TAFA4: variants seen among roughly 807,000 people sequenced by gnomAD.
TAFA4 encodes TAFA chemokine like family member 4.
In TAFA4, 20 loss-of-function variants were observed where a neutral mutation model predicts 21.1. The observed-to-expected ratio is 0.95, with a 90% confidence interval of 0.67 to 1.38. The LOEUF (loss-of-function observed/expected upper bound fraction) is 1.38. Among genes scored for constraint, TAFA4 ranks in the 40% most tolerant of loss-of-function variants. The pLI, the probability that TAFA4 is intolerant of heterozygous loss-of-function variation, is 0.00. For synonymous variants in TAFA4, 71 were observed against 67.4 expected (o/e 1.05, Z -0.26); for missense variants, 211 against 180.9 (o/e 1.17, Z -0.95).
chr3:68,772,710 G>A (rs1459631096), intron 3 of TAFA4, among the ~76,000 whole-genome samples: 1 of 152,154 alleles, frequency 6.6e-6, no homozygotes, highest in Non-Finnish European at 1.5e-5. Context: ...GATGGGTAGA[G>A]GGAGGGGAGC....
chr3:68,867,031 A>C (rs2089429075), intron 3 of TAFA4, among the ~76,000 whole-genome samples: 1 of 152,058 alleles, frequency 6.6e-6, no homozygotes, highest in Non-Finnish European at 1.5e-5. Flanking sequence ...TAATAACAGA[A>C]AAATTTCCAA....
Position 68,887,138 on chromosome 3 carries a change from G to A in TAFA4, c.-122-1828C>T, listed in dbSNP as rs369804898. Among the ~76,000 whole-genome samples the A allele has an allele frequency of 1.2e-4, 18 of 152,286 alleles. No homozygotes were observed. In the South Asian group the frequency reaches 2.7e-3, roughly 23 times the overall value. Reference sequence around the variant, plus strand: ...TATCTACTTCCAAAACACAGTGATGGAACAGGCATAAAACAGACATTCCCA... The same window carrying A: ...TATCTACTTCCAAAACACAGTGATGAAACAGGCATAAAACAGACATTCCCA... On this transcript the variant is annotated intron_variant, in intron 1 of 5. Coordinates refer to ENST00000295569, the MANE Select transcript of TAFA4 (RefSeq NM_182522.5).
chr3:68,762,263 A>G (rs1484630673), intron 3 of TAFA4, among the ~76,000 whole-genome samples: 3 of 152,102 alleles, frequency 2.0e-5, no homozygotes, highest in African/African-American at 7.2e-5. Context: ...TGGGTTGGAG[A>G]GAGAGCAGAA....
intron 3 of TAFA4, among the ~76,000 whole-genome samples, chr3:68,766,389 C>T (rs1702855416): frequency 6.6e-6 from 1 of 151,928 alleles, no homozygotes. Flanking sequence ...CACATCAAAT[C>T]CAGGTAATAA....
intron 3 of TAFA4, among the ~76,000 whole-genome samples, chr3:68,865,387 G>C (rs1399541715): frequency 6.6e-6 from 1 of 151,890 alleles, no homozygotes; most frequent in Non-Finnish European, 1.5e-5. Context: ...TCATGGGGAG[G>C]ACCTGATGGA....
At chr3:68,797,796 G>A (rs1331938048) in intron 3 of TAFA4, among the ~76,000 whole-genome samples, 1 of 151,998 alleles carries the variant, frequency 6.6e-6, no homozygotes, top group Non-Finnish European at 1.5e-5. Context: ...TGAGGGTGAC[G>A]AATACCATCA....
intron 1 of TAFA4, among the ~76,000 whole-genome samples, chr3:68,907,502 C>T (rs973494353): frequency 2.6e-5 from 4 of 152,192 alleles, no homozygotes; most frequent in Non-Finnish European, 5.9e-5. Context: ...AACAAGACGA[C>T]ATAGGTCTGA....
chr3:68,835,020 A>T (rs2106884490), intron 3 of TAFA4, among the ~76,000 whole-genome samples: 1 of 152,262 alleles, frequency 6.6e-6, no homozygotes. Flanking sequence ...TGGCCTACAC[A>T]TGCAGGGGTG....
chr3:68,833,141 C>T (rs1178285784), intron 3 of TAFA4, among the ~76,000 whole-genome samples: 1 of 152,136 alleles, frequency 6.6e-6, no homozygotes, highest in East Asian at 1.9e-4. Flanking sequence ...AAGGGAAATC[C>T]CCCAACCCTT....
At chr3:68,815,159 T>C (rs947222235) in intron 3 of TAFA4, among the ~76,000 whole-genome samples, 5 of 152,182 alleles carry the variant, frequency 3.3e-5, no homozygotes, top group Non-Finnish European at 7.3e-5. Flanking sequence ...ATATAAAAAT[T>C]AATTCAGGAT....
intron 3 of TAFA4, among the ~76,000 whole-genome samples, chr3:68,868,574 A>C (rs1172879791): frequency 3.9e-5 from 6 of 152,074 alleles, no homozygotes; most frequent in Admixed American, 1.3e-4. Flanking sequence ...CATTGGAATA[A>C]ACGTAGAAAT....
intron 3 of TAFA4, among the ~76,000 whole-genome samples, chr3:68,869,455 C>T (rs1302676241): frequency 6.6e-6 from 1 of 151,996 alleles, no homozygotes; most frequent in East Asian, 1.9e-4. Flanking sequence ...ATGTAAACGT[C>T]CTCAACAAAA....
intron 3 of TAFA4, among the ~76,000 whole-genome samples, chr3:68,803,716 A>G: frequency 6.8e-6 from 1 of 146,982 alleles, no homozygotes; most frequent in Non-Finnish European, 1.5e-5. Context: ...GATGTGACTC[A>G]TTGTCTTCCT....
intron 3 of TAFA4, among the ~76,000 whole-genome samples, chr3:68,795,940 C>T (rs6804313): frequency 3.3e-5 from 5 of 152,136 alleles, no homozygotes; most frequent in East Asian, 3.9e-4. Flanking sequence ...CCAGTAACAC[C>T]GTGATTCTTG....
intron 3 of TAFA4, among the ~76,000 whole-genome samples, chr3:68,819,280 A>ATT (rs1559532054): frequency 3.3e-4 from 46 of 138,152 alleles, no homozygotes; most frequent in African/African-American, 1.1e-3. Flanking sequence ...TAATTAAAAA[A>ATT]AAAAAAAAAA....
At chr3:68,748,605 A>C (rs1050736713) in intron 4 of TAFA4, among the ~76,000 whole-genome samples, 1 of 152,146 alleles carries the variant, frequency 6.6e-6, no homozygotes, top group African/African-American at 2.4e-5. Context: ...TTAGCCAGGC[A>C]TGGTGGCACG....
At chr3:68,842,555 C>T (rs139412558) in intron 3 of TAFA4, among the ~76,000 whole-genome samples, 6 of 152,074 alleles carry the variant, frequency 3.9e-5, no homozygotes, top group African/African-American at 7.2e-5. Context: ...TATTTAGATC[C>T]GATTTGTCAA....
intron 3 of TAFA4, among the ~76,000 whole-genome samples, chr3:68,793,598 C>T (rs1559522726): frequency 6.6e-6 from 1 of 152,146 alleles, no homozygotes; most frequent in Non-Finnish European, 1.5e-5. Flanking sequence ...AATGCTCTCT[C>T]CTGTAACAGT....
intron 1 of TAFA4, among the ~76,000 whole-genome samples, chr3:68,895,385 T>C (rs2089778270): frequency 6.6e-6 from 1 of 152,204 alleles, no homozygotes. Context: ...TCCACCCACC[T>C]TGGCCTCCCA....
Sources: allele counts gnomAD v4.1 joint callset (sites outside exome capture counted in the v4.1 genomes callset), GRCh38; gene constraint gnomAD v4.1.1; transcripts MANE v1.5; gene names NCBI Gene and HGNC (gene_info 2026-07-23, HGNC 2026-07-21).